Variants in IGF2BP2 observed in about 807,000 individuals in gnomAD.
IGF2BP2 encodes insulin like growth factor 2 mRNA binding protein 2.
IGF2BP2 carries 17 observed loss-of-function variants against 75.8 expected under a neutral mutation model. The observed-to-expected ratio is 0.22, with a 90% confidence interval of 0.15 to 0.34. The LOEUF (loss-of-function observed/expected upper bound fraction) is 0.34. Among genes scored for constraint, IGF2BP2 ranks in the 10% least tolerant of loss-of-function variants. The probability of loss-of-function intolerance (pLI) is 1.00; values close to 1 mark genes in which losing one functional copy is unlikely to be tolerated. For missense variants in IGF2BP2, 516 were observed against 772.4 expected, an observed-to-expected ratio of 0.67 and a Z score of 3.93; for synonymous variants, 288 against 295.6, an observed-to-expected ratio of 0.97 and a Z score of 0.26.
intron 10 of IGF2BP2, among the ~76,000 whole-genome samples, chr3:185,659,831 G>A (rs989592216): frequency 4.0e-5 from 6 of 148,284 alleles, no homozygotes; most frequent in Admixed American, 1.3e-4. Flanking sequence ...TGTTTCACTC[G>A]TTGACTAGGC....
chr3:185,783,371 C>A (rs1293560065), intron 2 of IGF2BP2, among the ~76,000 whole-genome samples: 4 of 152,170 alleles, frequency 2.6e-5, no homozygotes, highest in African/African-American at 9.7e-5. Flanking sequence ...GAGCTCTGCA[C>A]AGGGGAAGAA....
At chr3:185,722,122 G>T in intron 2 of IGF2BP2, 1 of 330,088 alleles carries the variant, frequency 3.0e-6, no homozygotes. Context: ...TTTGTAGAGA[G>T]AGTGTCTCAC....
chr3:185,814,584 T>C (rs1740353122), intron 2 of IGF2BP2, among the ~76,000 whole-genome samples: 1 of 152,184 alleles, frequency 6.6e-6, no homozygotes, highest in Non-Finnish European at 1.5e-5. Context: ...AAAATGTCTT[T>C]CCTGGTAATT....
At chr3:185,659,072 T>G (rs1251491454) in intron 10 of IGF2BP2, among the ~76,000 whole-genome samples, 3 of 151,904 alleles carry the variant, frequency 2.0e-5, no homozygotes, top group Admixed American at 6.6e-5. Context: ...AATAAAAAAT[T>G]AGCTGGGTGT....
At chr3:185,811,504 T>C (rs1739818937) in intron 2 of IGF2BP2, among the ~76,000 whole-genome samples, 1 of 152,208 alleles carries the variant, frequency 6.6e-6, no homozygotes, top group Non-Finnish European at 1.5e-5. Flanking sequence ...AATTTTGAAT[T>C]GTTGCCAATA....
chr3:185,806,604 C>T (rs373440256), intron 2 of IGF2BP2, among the ~76,000 whole-genome samples: 15 of 152,306 alleles, frequency 9.8e-5, no homozygotes, highest in East Asian at 5.8e-4. Flanking sequence ...GACTATTATA[C>T]ACTATACTTG....
At chr3:185,670,822 A>G (rs537770000) in intron 10 of IGF2BP2, among the ~76,000 whole-genome samples, 2 of 152,288 alleles carry the variant, frequency 1.3e-5, no homozygotes, top group East Asian at 3.9e-4. Flanking sequence ...CACCTGCTTC[A>G]GCCTCCCAAA....
At chr3:185,693,543 G>A (rs769907784) in intron 4 of IGF2BP2, among the ~76,000 whole-genome samples, 1 of 152,162 alleles carries the variant, frequency 6.6e-6, no homozygotes, top group African/African-American at 2.4e-5. Flanking sequence ...GGCTAAAAGA[G>A]AAAGTATAAA....
intron 2 of IGF2BP2, among the ~76,000 whole-genome samples, chr3:185,726,108 C>G (rs772548499): frequency 2.6e-5 from 4 of 152,174 alleles, no homozygotes; most frequent in Non-Finnish European, 5.9e-5. Flanking sequence ...TAGCCAGTCA[C>G]AGATGCAGAA....
chr3:185,695,000 T>G (rs1054707675), intron 4 of IGF2BP2, among the ~76,000 whole-genome samples: 1 of 152,096 alleles, frequency 6.6e-6, no homozygotes, highest in Admixed American at 6.6e-5. Context: ...GGCACAAGAA[T>G]TGCTTGAACC....
chr3:185,810,180 T>A (rs1379877241), intron 2 of IGF2BP2, among the ~76,000 whole-genome samples: 1 of 152,236 alleles, frequency 6.6e-6, no homozygotes, highest in African/African-American at 2.4e-5. Flanking sequence ...CACATTTTTT[T>A]AAATGCTAAT....
At chr3:185,766,114 T>C (rs1733011960) in intron 2 of IGF2BP2, among the ~76,000 whole-genome samples, 1 of 152,214 alleles carries the variant, frequency 6.6e-6, no homozygotes, top group African/African-American at 2.4e-5. Flanking sequence ...CTTCTCGGGA[T>C]GCTTTCACCT....
At chr3:185,686,664 C>T (rs919401421) in intron 7 of IGF2BP2, among the ~76,000 whole-genome samples, 5 of 152,022 alleles carry the variant, frequency 3.3e-5, no homozygotes, top group African/African-American at 1.2e-4. Flanking sequence ...AAAAATAAAA[C>T]ACTCAGTTCT....
chr3:185,774,686 CACAG>C (rs1172956214), intron 2 of IGF2BP2, among the ~76,000 whole-genome samples: 1 of 151,914 alleles, frequency 6.6e-6, no homozygotes, highest in Non-Finnish European at 1.5e-5. Flanking sequence ...AAATAAGTCT[CACAG>C]ACAGTATATG....
chr3:185,703,023 T>C (rs1723528095), intron 2 of IGF2BP2, among the ~76,000 whole-genome samples: 1 of 152,132 alleles, frequency 6.6e-6, no homozygotes, highest in Non-Finnish European at 1.5e-5. Flanking sequence ...GTAAACTAAG[T>C]GTGTGGGAAA....
At chr3:185,672,705 G>C in intron 9 of IGF2BP2, 36 bp from the exon 10 acceptor site, 1 of 1,612,354 alleles carries the variant, frequency 6.2e-7, no homozygotes, top group Non-Finnish European at 8.5e-7. Flanking sequence ...ATGAAGGGAG[G>C]AGACCAGAGA....
rs1216429508 is a variant in IGF2BP2 at position 185,645,316 on chromosome 3, C to T, written c.*215G>A. ...GCCCTGGGGGGCGGGAGGCGGGGCT[C>T]GGTGGTTCTGGCAAACCTGGCTGAC... On this transcript the variant is annotated 3_prime_UTR_variant, in exon 16 of 16. Transcript: ENST00000382199. The surrounding 1 kb of genome is among the most constrained non-coding windows in gnomAD (Gnocchi z 4.9). The T allele has an allele frequency of 1.4e-5, 8 of 564,102 alleles. No individual in the cohort carries two copies. The highest frequency in any genetic ancestry group is 6.1e-5 in the Admixed American group (2 of 32,876). 34.9% of individuals were successfully genotyped at this position (564,102 alleles called of 1,614,324 possible).
chr3:185,716,258 C>T (rs991608740), intron 2 of IGF2BP2, among the ~76,000 whole-genome samples: 2 of 151,762 alleles, frequency 1.3e-5, no homozygotes, highest in African/African-American at 4.8e-5. Flanking sequence ...TTACTTATTC[C>T]GACAATGATT....
rs548618441 is a variant in IGF2BP2, at chr3:185,772,749, T to G, written c.239+50404A>C. On this transcript the variant is annotated intron_variant, in intron 2 of 15. Coordinates refer to ENST00000382199, the MANE Select transcript of IGF2BP2 (RefSeq NM_006548.6). ...GGCATGCGCCACCATGCCCAGCTAA[T>G]TTTTGTATTTTTAGTACAGACGGGG... is the stretch of plus-strand genomic sequence containing the variant. Among the ~76,000 whole-genome samples the G allele has an allele frequency of 1.1e-3, 165 of 152,160 alleles. 1 individual carries two copies. Among genetic ancestry groups the G allele is most frequent in the African/African-American group, 3.6e-3 (148 of 41,496 alleles).
Sources: gnomAD v4.1 joint callset for allele counts (sites outside exome capture counted in the v4.1 genomes callset) on GRCh38, gnomAD v4.1.1 for gene constraint, Gnocchi (gnomAD v3.1) non-coding constraint, MANE v1.5 for transcripts, NCBI Gene and HGNC (gene_info 2026-07-23, HGNC 2026-07-21) for gene names.